CSMD3: variants seen among roughly 807,000 people sequenced by gnomAD.
The protein encoded by CSMD3 is CUB and Sushi multiple domains 3, also known as CUB and sushi domain-containing protein 3.
In CSMD3, 177 loss-of-function variants were observed where a neutral mutation model predicts 435.2. That is an observed-to-expected ratio of 0.41 (90% CI 0.36 to 0.46). CSMD3 has a LOEUF of 0.46. Ranked by LOEUF, CSMD3 falls within the 20% of genes least tolerant of loss-of-function variation. The pLI is 0.34. For synonymous variants in CSMD3, 1,656 were observed against 1,520.5 expected, an observed-to-expected ratio of 1.09 and a Z score of -2.07; for missense variants, 4,265 against 4,504.6, an observed-to-expected ratio of 0.95 and a Z score of 1.52.
intron 3 of CSMD3, among the ~76,000 whole-genome samples, chr8:113,246,984 G>A (rs2132274835): frequency 6.6e-6 from 1 of 152,260 alleles, no homozygotes; most frequent in South Asian, 2.1e-4. Flanking sequence ...CCTGCTGGTG[G>A]AGGACCAGAA....
intron 25 of CSMD3, among the ~76,000 whole-genome samples, chr8:112,554,407 G>T (rs1413473918): frequency 6.6e-6 from 1 of 151,822 alleles, no homozygotes; most frequent in Non-Finnish European, 1.5e-5. Flanking sequence ...ACCATTTATG[G>T]TTTTTCATTT....
chr8:113,011,460 G>T (rs1669279961), intron 6 of CSMD3, among the ~76,000 whole-genome samples: 1 of 151,614 alleles, frequency 6.6e-6, no homozygotes. Flanking sequence ...ACAATATTTA[G>T]CCACTTTTCT....
chr8:112,340,359 C>G (rs190999793), intron 42 of CSMD3, among the ~76,000 whole-genome samples: 2 of 152,100 alleles, frequency 1.3e-5, no homozygotes, highest in African/African-American at 4.8e-5. Flanking sequence ...ACATTATGCA[C>G]GCAAGTATAA....
At chr8:112,765,329 G>A (rs1376055940) in intron 13 of CSMD3, among the ~76,000 whole-genome samples, 2 of 151,508 alleles carry the variant, frequency 1.3e-5, no homozygotes, top group Non-Finnish European at 3.0e-5. Context: ...TGAGAAATAC[G>A]GAAGGGCTGG....
chr8:113,196,722 C>CA (rs2092660288), intron 3 of CSMD3, among the ~76,000 whole-genome samples: 1 of 151,170 alleles, frequency 6.6e-6, no homozygotes, highest in Admixed American at 6.6e-5. Context: ...TCCTATCAGT[C>CA]AATTAAAGTA....
chr8:112,391,452 C>T (rs951766879), intron 35 of CSMD3, among the ~76,000 whole-genome samples: 1 of 152,118 alleles, frequency 6.6e-6, no homozygotes, highest in Non-Finnish European at 1.5e-5. Flanking sequence ...AATCCTACCA[C>T]TTTGGGAGGC....
At chr8:112,938,824 G>A (rs2083363894) in intron 9 of CSMD3, among the ~76,000 whole-genome samples, 1 of 152,058 alleles carries the variant, frequency 6.6e-6, no homozygotes, top group Admixed American at 6.6e-5. Flanking sequence ...ATATAAGCAA[G>A]GGGGAAAAAG....
chr8:113,336,400 A>G (rs2094075373), intron 1 of CSMD3, among the ~76,000 whole-genome samples: 1 of 151,966 alleles, frequency 6.6e-6, no homozygotes, highest in Non-Finnish European at 1.5e-5. Context: ...TTTGTGAGAT[A>G]ATTTTAAAAT....
At chr8:113,433,256 AAGCTC>A (rs1346456989) in intron 1 of CSMD3, among the ~76,000 whole-genome samples, 1 of 152,044 alleles carries the variant, frequency 6.6e-6, no homozygotes, top group Non-Finnish European at 1.5e-5. Flanking sequence ...CCCCTTTGTA[AAGCTC>A]TCTCAAGCTG....
At chr8:112,463,299 T>A (rs1170075544) in intron 32 of CSMD3, among the ~76,000 whole-genome samples, 1 of 151,784 alleles carries the variant, frequency 6.6e-6, no homozygotes, top group Admixed American at 6.6e-5. Context: ...GAGGCAGAGG[T>A]TGCAGTGAGC....
chr8:112,281,343 C>A lies in CSMD3; in HGVS notation c.9339G>T (p.Gln3113His), dbSNP rs780589381. ...TGRQPECKAV[Q>H]CGNPGTTANG... ...TGGCTGTGGTTCCTGGGTTACCACA[C>A]TGCACAGCTATAAAACAAAGTGTTT... Residue 3113 changes from glutamine to histidine, a missense_variant, in exon 59 of 71, where the codon CAG becomes CAT. This residue lies in a region of CSMD3 where 3,255 missense variants were observed against 3,380.2 expected (regional missense o/e 0.96). Transcript: ENST00000297405. 2 of 1,611,804 alleles carry A rather than the reference C, an allele frequency of 1.2e-6. No individual in the cohort carries two copies. Among genetic ancestry groups the A allele is most frequent in the South Asian group, 1.1e-5 (1 of 91,046 alleles).
intron 4 of CSMD3, among the ~76,000 whole-genome samples, chr8:113,102,961 T>A (rs1174637184): frequency 6.6e-6 from 1 of 152,174 alleles, no homozygotes; most frequent in Non-Finnish European, 1.5e-5. Flanking sequence ...CCATAGCTGA[T>A]GAAGATTAAG....
At chr8:112,340,116 G>T (rs1311591172) in intron 42 of CSMD3, among the ~76,000 whole-genome samples, 1 of 152,178 alleles carries the variant, frequency 6.6e-6, no homozygotes, top group African/African-American at 2.4e-5. Flanking sequence ...AACAGGTTTA[G>T]TCTGTTTTAA....
At chr8:112,481,229 CAGA>C in intron 31 of CSMD3, among the ~76,000 whole-genome samples, 1 of 151,872 alleles carries the variant, frequency 6.6e-6, no homozygotes, top group African/African-American at 2.4e-5. Flanking sequence ...GGAGGAGGAG[CAGA>C]AGAAGAAAAG....
intron 3 of CSMD3, among the ~76,000 whole-genome samples, chr8:113,262,330 T>C (rs1038700849): frequency 2.6e-5 from 4 of 152,112 alleles, no homozygotes; most frequent in African/African-American, 9.7e-5. Flanking sequence ...AATTATAAAA[T>C]GCATCTTTTA....
intron 32 of CSMD3, among the ~76,000 whole-genome samples, chr8:112,410,666 A>ATATATATGTGTATATATATATG (rs1832318372): frequency 8.4e-6 from 1 of 118,698 alleles, no homozygotes; most frequent in African/African-American, 3.0e-5. Flanking sequence ...ATATATGTAT[A>ATATATATGTGTATATATATATG]TATATATGTG....
chr8:113,050,250 A>G (rs2131323468), intron 5 of CSMD3, among the ~76,000 whole-genome samples: 1 of 152,144 alleles, frequency 6.6e-6, no homozygotes, highest in East Asian at 1.9e-4. Flanking sequence ...GTGGGTGTAT[A>G]TACATATATA....
intron 14 of CSMD3, among the ~76,000 whole-genome samples, chr8:112,686,077 G>T (rs914460696): frequency 9.9e-5 from 15 of 152,064 alleles, no homozygotes; most frequent in African/African-American, 3.1e-4. Context: ...AAGCAATAAG[G>T]TTCTTGAAAT....
chr8:112,546,450 T>G (rs2131166740), intron 27 of CSMD3, among the ~76,000 whole-genome samples: 1 of 152,282 alleles, frequency 6.6e-6, no homozygotes, highest in Non-Finnish European at 1.5e-5. Context: ...GCTGGGGAAC[T>G]TCAACCTCTC....
Sources: allele counts gnomAD v4.1 joint callset (sites outside exome capture counted in the v4.1 genomes callset), GRCh38; gene constraint gnomAD v4.1.1; regional missense constraint gnomAD v4.1.1; transcripts MANE v1.5; gene names NCBI Gene and HGNC (gene_info 2026-07-23, HGNC 2026-07-21).